Variants in PLCB4 observed in about 807,000 individuals in gnomAD.
PLCB4 encodes 1-phosphatidylinositol 4,5-bisphosphate phosphodiesterase beta-4.
Under a neutral mutation model 178.8 loss-of-function variants are expected in PLCB4, and 77 were observed. That is an observed-to-expected ratio of 0.43 (90% CI 0.36 to 0.52). The LOEUF is 0.52. Among genes scored for constraint, PLCB4 ranks in the 20% least tolerant of loss-of-function variants. The pLI is 0.00. For missense variants in PLCB4, 1,024 were observed against 1,453.4 expected (o/e 0.70, Z 4.80); for synonymous variants, 496 against 490.8 (o/e 1.01, Z -0.14).
intron 3 of PLCB4, among the ~76,000 whole-genome samples, chr20:9,237,198 A>G (rs1375325806): frequency 6.6e-6 from 1 of 152,122 alleles, no homozygotes; most frequent in Non-Finnish European, 1.5e-5. Flanking sequence ...AAGACTTTTC[A>G]TATGTAGGAT....
At chr20:9,305,554 A>G (rs1480343257) in intron 3 of PLCB4, among the ~76,000 whole-genome samples, 1 of 152,094 alleles carries the variant, frequency 6.6e-6, no homozygotes, top group Non-Finnish European at 1.5e-5. Flanking sequence ...TTTTTGGCAT[A>G]GTACAATAAA....
chr20:9,432,825 G>A (rs951333276), intron 28 of PLCB4, among the ~76,000 whole-genome samples: 1 of 152,188 alleles, frequency 6.6e-6, no homozygotes, highest in African/African-American at 2.4e-5. Flanking sequence ...TGAGTAGAAA[G>A]ACATGAATTG....
intron 24 of PLCB4, 42 bp from the exon 25 acceptor site, chr20:9,410,995 T>C: frequency 2.7e-6 from 4 of 1,497,144 alleles, no homozygotes; most frequent in East Asian, 4.5e-5. Flanking sequence ...GTCTTTTTTG[T>C]CTAGGAAGAC....
intron 2 of PLCB4, among the ~76,000 whole-genome samples, chr20:9,097,448 T>C (rs1156436802): frequency 6.6e-6 from 1 of 151,908 alleles, no homozygotes; most frequent in South Asian, 2.1e-4. Flanking sequence ...CTCAGAGATT[T>C]GGGGGGTGTT....
chr20:9,219,593 G>T (rs571623281), intron 3 of PLCB4, among the ~76,000 whole-genome samples: 1 of 152,340 alleles, frequency 6.6e-6, no homozygotes, highest in South Asian at 2.1e-4. Flanking sequence ...GTCACCTGGT[G>T]GTTGGTTGCT....
intron 3 of PLCB4, among the ~76,000 whole-genome samples, chr20:9,307,326 C>T (rs2094779907): frequency 6.6e-6 from 1 of 152,114 alleles, no homozygotes; most frequent in African/African-American, 2.4e-5. Flanking sequence ...AAAATTCTGG[C>T]TATTCCTACG....
chr20:9,285,577 T>C (rs1292387229), intron 3 of PLCB4, among the ~76,000 whole-genome samples: 1 of 152,000 alleles, frequency 6.6e-6, no homozygotes, highest in African/African-American at 2.4e-5. Context: ...CTGAGGTTCT[T>C]CTTTCTCAGG....
At chr20:9,154,036 C>T (rs1174630452) in intron 2 of PLCB4, among the ~76,000 whole-genome samples, 1 of 152,160 alleles carries the variant, frequency 6.6e-6, no homozygotes, top group African/African-American at 2.4e-5. Flanking sequence ...CCAGTCAGAT[C>T]AGGATCCCAG....
chr20:9,071,011 T>C (rs1042946286), intron 1 of PLCB4, among the ~76,000 whole-genome samples: 5 of 152,230 alleles, frequency 3.3e-5, no homozygotes, highest in African/African-American at 1.2e-4. Context: ...TAAAATACTC[T>C]ATTGGAAGTT....
At chr20:9,385,475 C>T (rs1332003474) in intron 14 of PLCB4, among the ~76,000 whole-genome samples, 3 of 147,372 alleles carry the variant, frequency 2.0e-5, no homozygotes, top group African/African-American at 7.6e-5. Context: ...GGGGTGGCGG[C>T]TGGGCAGAGG....
chr20:9,101,731 A>G (rs1323607400), intron 2 of PLCB4, among the ~76,000 whole-genome samples: 6 of 152,132 alleles, frequency 3.9e-5, no homozygotes, highest in African/African-American at 1.4e-4. Context: ...GAGTATGATT[A>G]TGGCCTACAT....
At chr20:9,168,314 C>A (rs1321014429) in intron 2 of PLCB4, among the ~76,000 whole-genome samples, 1 of 152,080 alleles carries the variant, frequency 6.6e-6, no homozygotes, top group Non-Finnish European at 1.5e-5. Context: ...AAGGTGCTTC[C>A]AGGAGACAAG....
At chr20:9,183,620 A>G (rs2093283118) in intron 2 of PLCB4, among the ~76,000 whole-genome samples, 1 of 152,200 alleles carries the variant, frequency 6.6e-6, no homozygotes, top group Non-Finnish European at 1.5e-5. Context: ...TGTAGTTATA[A>G]TTAGTGATAA....
At position 9,384,374 on chromosome 20, in the gene PLCB4, G is replaced by A. The variant is rs1187603255; in HGVS notation, c.1027G>A (p.Val343Ile). Residue 343 changes from valine to isoleucine, a missense_variant, in exon 14 of 40, where the codon GTA becomes ATA. Val to Ile is a conservative substitution (Grantham distance 29, BLOSUM62 3). This residue lies in a region of PLCB4 where 263 missense variants were observed against 417.4 expected (regional missense o/e 0.63). Coordinates refer to ENST00000378473, the MANE Select transcript of PLCB4 (RefSeq NM_001377142.1). ...TGRQFGGKSS[V>I]EMYRQVLLAG... The stretch of plus-strand genomic sequence containing the variant: ...CAGACAGTTCGGCGGGAAGTCTTCG[G>A]TAGAAATGTACAGACAGGTTCTCCT... 8.7e-6 allele frequency: 14 copies of A among 1,614,202 alleles called. No individual in the cohort carries two copies. The highest frequency in any genetic ancestry group is 1.1e-5 in the Non-Finnish European group (13 of 1,180,024).
At chr20:9,415,107 T>C (rs933811555) in intron 25 of PLCB4, among the ~76,000 whole-genome samples, 7 of 152,242 alleles carry the variant, frequency 4.6e-5, no homozygotes, top group South Asian at 2.1e-4. Flanking sequence ...TATAGTGTAA[T>C]AAAAGTTAGG....
At chr20:9,301,632 G>C (rs1293104977) in intron 3 of PLCB4, among the ~76,000 whole-genome samples, 3 of 152,084 alleles carry the variant, frequency 2.0e-5, no homozygotes, top group African/African-American at 7.2e-5. Flanking sequence ...CATATTTATG[G>C]GTAATGCACA....
rs1372370416 is a variant in PLCB4 at position 9,137,267 on chromosome 20, C to T, written c.-79+40925C>T. ...ATCTGTTTCCTGCTGGGACCCTGACCGAGGTAACATCTTTGAGGCATTTAC... is the reference window on the plus strand; with the variant it reads ...ATCTGTTTCCTGCTGGGACCCTGACTGAGGTAACATCTTTGAGGCATTTAC... On this transcript the variant is annotated intron_variant, in intron 2 of 39. Coordinates refer to ENST00000378473, the MANE Select transcript of PLCB4 (RefSeq NM_001377142.1). Among the ~76,000 whole-genome samples the T allele has an allele frequency of 2.6e-5, 4 of 151,902 alleles. 1 individual carries two copies. In the South Asian group the frequency reaches 6.2e-4, roughly 24 times the overall value.
At chr20:9,236,734 G>C (rs139286580) in intron 3 of PLCB4, among the ~76,000 whole-genome samples, 1 of 152,182 alleles carries the variant, frequency 6.6e-6, no homozygotes, top group African/African-American at 2.4e-5. Context: ...AGCATTCTAC[G>C]TGAGTTTCTA....
At chr20:9,273,675 A>AGTGTGTGTGTGTGTGT (rs398035325) in intron 3 of PLCB4, among the ~76,000 whole-genome samples, 1 of 135,852 alleles carries the variant, frequency 7.4e-6, no homozygotes, top group East Asian at 2.2e-4. Flanking sequence ...TTATGGTTGC[A>AGTGTGTGTGTGTGTGT]GTGTGTGTGT....
Sources: allele counts gnomAD v4.1 joint callset (sites outside exome capture counted in the v4.1 genomes callset), GRCh38; gene constraint gnomAD v4.1.1; regional missense constraint gnomAD v4.1.1; transcripts MANE v1.5; gene names NCBI Gene and HGNC (gene_info 2026-07-23, HGNC 2026-07-21).